The following SLC9B2 variants were observed in gnomAD, a reference collection of about 807,000 sequenced individuals.
SLC9B2 encodes the protein sodium/hydrogen exchanger 9B2.
Under a neutral mutation model 52.2 loss-of-function variants are expected in SLC9B2, and 39 were observed. The ratio of observed to expected loss-of-function variants is 0.75; its 90% CI spans 0.58 to 0.98. SLC9B2 has a LOEUF of 0.98. Among genes scored for constraint, SLC9B2 ranks in the 50% least tolerant of loss-of-function variants. SLC9B2 has a pLI of 0.00. For synonymous variants in SLC9B2, 214 were observed against 227.0 expected, an observed-to-expected ratio of 0.94 and a Z score of 0.51; for missense variants, 626 against 637.5, an observed-to-expected ratio of 0.98 and a Z score of 0.19.
chr4:103,025,668 G>A lies in SLC9B2; in HGVS notation c.*702C>T, dbSNP rs1742129712. On this transcript the variant is annotated 3_prime_UTR_variant, in exon 12 of 12. Coordinates refer to ENST00000394785, the MANE Select transcript of SLC9B2 (RefSeq NM_178833.7). ...ATGGGTCATAAGAAACAAAAAAAGG[G>A]CTGGATTAGGGCACTCCTTAGGGGA... 1 of 151,988 alleles carries A rather than the reference G, an allele frequency of 6.6e-6. No individual in the cohort carries two copies. The highest frequency in any genetic ancestry group is 1.5e-5 in the Non-Finnish European group (1 of 68,006). 9.4% of individuals were successfully genotyped at this position (151,988 alleles called of 1,614,324 possible).
At chr4:103,039,649 C>CTT (rs11464004) in intron 9 of SLC9B2, among the ~76,000 whole-genome samples, 2,692 of 129,144 alleles carry the variant, frequency 0.021, 108 homozygotes, top group African/African-American at 0.071. Context: ...ATGGTATATT[C>CTT]TTTTTTTTTT....
chr4:103,070,900 C>T (rs180778561), intron 1 of SLC9B2, among the ~76,000 whole-genome samples: 1 of 151,900 alleles, frequency 6.6e-6, no homozygotes, highest in South Asian at 2.1e-4. Context: ...AAAAAGACAG[C>T]AATCTAAGAG....
At chr4:103,062,159 G>A (rs147134479) in intron 3 of SLC9B2, among the ~76,000 whole-genome samples, 6,680 of 152,220 alleles carry the variant, frequency 0.044, 448 homozygotes, top group African/African-American at 0.15. Context: ...AGTGGCTCAC[G>A]CCTGTAATCC....
At chr4:103,037,863 CT>C (rs58606567) in intron 9 of SLC9B2, among the ~76,000 whole-genome samples, 1,744 of 141,392 alleles carry the variant, frequency 0.012, 13 homozygotes, top group African/African-American at 0.028. Context: ...AAAGGTAAGA[CT>C]TTTTTTTTTT....
Position 103,067,498 on chromosome 4 carries a change from C to T in SLC9B2, c.53G>A (p.Gly18Glu), listed in dbSNP as rs769556369. ...ATGCATGGAGGGCGTGTAATTCATTCCTGTGGATGGTTCTGAATCTTCATA... is the reference window on the plus strand; with the variant it reads ...ATGCATGGAGGGCGTGTAATTCATTTCTGTGGATGGTTCTGAATCTTCATA... ...ITYEDSEPST[G>E]MNYTPSMHQE... Residue 18 changes from glycine to glutamate, a missense_variant, in exon 2 of 12, where the codon GGA (glycine) becomes GAA (glutamate). Gly to Glu is a moderately conservative substitution (Grantham distance 98, BLOSUM62 -2). Transcript: ENST00000394785. The T allele has an allele frequency of 6.2e-7, 1 of 1,613,492 alleles. No homozygotes were observed. Among genetic ancestry groups the T allele is most frequent in the Non-Finnish European group, 8.5e-7 (1 of 1,179,590 alleles).
intron 3 of SLC9B2, among the ~76,000 whole-genome samples, chr4:103,063,016 T>C (rs904743837): frequency 5.3e-5 from 8 of 152,220 alleles, no homozygotes; most frequent in African/African-American, 1.9e-4. Flanking sequence ...AAATAAGCGA[T>C]GAGATGTTTA....
Position 103,057,894 on chromosome 4 carries a change from C to A in SLC9B2, c.349G>T (p.Gly117Ter). 6 of 1,613,834 alleles carry A rather than the reference C, an allele frequency of 3.7e-6. No homozygotes were observed. The highest frequency in any genetic ancestry group is 5.1e-6 in the Non-Finnish European group (6 of 1,179,912). The change falls in exon 4 of 12, where the codon GGA (glycine) becomes TGA (stop). Residue 117 changes from glycine (G) to a stop codon, truncating the protein, a stop_gained. Coordinates refer to ENST00000394785, the MANE Select transcript of SLC9B2 (RefSeq NM_178833.7). LOFTEE classifies it high-confidence loss of function. ...SECLPGGNLFGIIILFYCAII... is the reference protein window; with the variant it reads ...SECLPGGNLF Reference sequence around the variant, plus strand: ...GCACAATAGAATAGGATTATAATTCCAAATAGGTTTCCTCCAGGAAGACAT... The same window carrying A: ...GCACAATAGAATAGGATTATAATTCAAAATAGGTTTCCTCCAGGAAGACAT...
At chr4:103,061,159 G>A (rs1348156857) in intron 3 of SLC9B2, among the ~76,000 whole-genome samples, 3 of 152,096 alleles carry the variant, frequency 2.0e-5, no homozygotes, top group Admixed American at 1.3e-4. Flanking sequence ...CCCATTACTG[G>A]TATATACCCA....
At chr4:103,044,697 C>T (rs1743950803) in intron 8 of SLC9B2, among the ~76,000 whole-genome samples, 193 bp downstream of exon 8, 1 of 152,148 alleles carries the variant, frequency 6.6e-6, no homozygotes, top group African/African-American at 2.4e-5. Flanking sequence ...ATACGGGAAC[C>T]CATTACAGGA....
intron 9 of SLC9B2, among the ~76,000 whole-genome samples, chr4:103,037,334 C>A (rs1743265256): frequency 6.6e-6 from 1 of 152,134 alleles, no homozygotes; most frequent in South Asian, 2.1e-4. Flanking sequence ...CTTGTTTATA[C>A]CAATTGGCCT....
Position 103,030,546 on chromosome 4 carries a change from A to T in SLC9B2, c.1255+1154T>A, listed in dbSNP as rs75304529. On this transcript the variant is annotated intron_variant, in intron 10 of 11. Transcript: ENST00000394785. Reference sequence around the variant, plus strand: ...AAATGTATAGAAGGAGGAAATGGGAACTGAAGTGGAAAGGGGAATGTAGTG... The same window carrying T: ...AAATGTATAGAAGGAGGAAATGGGATCTGAAGTGGAAAGGGGAATGTAGTG... Among the ~76,000 whole-genome samples, 1,078 of 152,020 alleles carry T rather than the reference A, an allele frequency of 7.1e-3. 12 individuals are homozygous for T. The highest frequency in any genetic ancestry group is 0.025 in the African/African-American group (1,027 of 41,468).
intron 8 of SLC9B2, among the ~76,000 whole-genome samples, chr4:103,044,272 C>G (rs575038467): frequency 6.6e-6 from 1 of 152,054 alleles, no homozygotes; most frequent in Admixed American, 6.6e-5. Context: ...ACTATTTTGT[C>G]GGTTGTACTA....
chr4:103,037,183 TCTTA>T (rs1489897328), intron 9 of SLC9B2, among the ~76,000 whole-genome samples: 2 of 152,242 alleles, frequency 1.3e-5, no homozygotes, highest in South Asian at 2.1e-4. Flanking sequence ...GGGCTTATTA[TCTTA>T]CTTGTTTTTA....
rs58302558 is a variant in SLC9B2, at chr4:103,065,180, GCACACA to G, written c.271+1141_271+1146del. ...CATGAAAAAAAAAATGTACACACAC[GCACACA>G]CACACACACACACACACACACATAT... On this transcript the variant is annotated intron_variant, in intron 3 of 11. Transcript: ENST00000394785. 1.1e-3 allele frequency among the ~76,000 whole-genome samples: 163 copies of G among 145,150 alleles called. 1 individual carries two copies. The highest frequency in any genetic ancestry group is 3.9e-3 in the African/African-American group (154 of 39,552).
intron 1 of SLC9B2, among the ~76,000 whole-genome samples, chr4:103,069,022 C>T (rs994256719): frequency 1.3e-5 from 2 of 152,012 alleles, no homozygotes; most frequent in African/African-American, 4.8e-5. Flanking sequence ...CTCAAAAAAA[C>T]CTTTAGTTTG....
intron 9 of SLC9B2, among the ~76,000 whole-genome samples, chr4:103,034,702 G>A (rs1275502890): frequency 6.6e-6 from 1 of 152,094 alleles, no homozygotes; most frequent in Non-Finnish European, 1.5e-5. Flanking sequence ...ATATAAAAAT[G>A]TTCAACATCA....
At chr4:103,042,668 C>T (rs1295657838) in intron 9 of SLC9B2, among the ~76,000 whole-genome samples, 1 of 151,440 alleles carries the variant, frequency 6.6e-6, no homozygotes, top group Non-Finnish European at 1.5e-5. Flanking sequence ...GATCCTCTCA[C>T]ATAATATTGG....
At chr4:103,027,348 T>C (rs1468847915) in intron 11 of SLC9B2, among the ~76,000 whole-genome samples, 1 of 152,164 alleles carries the variant, frequency 6.6e-6, no homozygotes, top group African/African-American at 2.4e-5. Flanking sequence ...AAATATATAT[T>C]ACTTTAGAGC....
intron 3 of SLC9B2, among the ~76,000 whole-genome samples, chr4:103,060,470 T>C (rs959713826): frequency 6.6e-6 from 1 of 151,774 alleles, no homozygotes; most frequent in African/African-American, 2.4e-5. Flanking sequence ...AAATGTCTTA[T>C]ATTCTGTTTT....
Sources: gnomAD v4.1 joint callset for allele counts (sites outside exome capture counted in the v4.1 genomes callset) on GRCh38, gnomAD v4.1.1 for gene constraint, MANE v1.5 for transcripts, NCBI Gene and HGNC (gene_info 2026-07-23, HGNC 2026-07-21) for gene names.